ATAD1: variants seen among roughly 807,000 people sequenced by gnomAD.
ATAD1 encodes ATPase family AAA domain containing 1, also known as outer mitochondrial transmembrane helix translocase.
A neutral mutation model predicts 42.7 loss-of-function variants in ATAD1; 18 were observed. The ratio of observed to expected loss-of-function variants is 0.42; its 90% CI spans 0.29 to 0.63. ATAD1 has a LOEUF of 0.63. Among genes scored for constraint, ATAD1 ranks in the 20% least tolerant of loss-of-function variants. The probability of loss-of-function intolerance (pLI) is 0.19; values close to 1 mark genes in which losing one functional copy is unlikely to be tolerated. For missense variants in ATAD1, 294 were observed against 440.4 expected, an observed-to-expected ratio of 0.67 and a Z score of 2.98; for synonymous variants, 132 against 143.1, an observed-to-expected ratio of 0.92 and a Z score of 0.55.
rs368622309 is a variant in ATAD1, at chr10:87,790,437, A to G, written c.262-7T>C. The G allele has an allele frequency of 2.0e-4, 320 of 1,594,880 alleles. 1 individual carries two copies. The highest frequency in any genetic ancestry group is 2.6e-4 in the Non-Finnish European group (301 of 1,175,650). The stretch of plus-strand genomic sequence containing the variant: ...CTATATCACTCCAAGTAACCTGGCA[A>G]AAGTTAAGGTCAACATGAATTTTAC... On this transcript the variant is annotated splice_region_variant and splice_polypyrimidine_tract_variant and intron_variant, in intron 3 of 9. Coordinates refer to ENST00000680024, the MANE Select transcript of ATAD1 (RefSeq NM_001321967.2).
intron 8 of ATAD1, among the ~76,000 whole-genome samples, chr10:87,757,176 T>C (rs1468036435): frequency 1.3e-5 from 2 of 152,036 alleles, no homozygotes; most frequent in Non-Finnish European, 2.9e-5. Flanking sequence ...GATATTGGAC[T>C]TTCTTTGATA....
intron 1 of ATAD1, among the ~76,000 whole-genome samples, chr10:87,830,470 T>C (rs1351298398): frequency 1.3e-5 from 2 of 152,230 alleles, no homozygotes; most frequent in Non-Finnish European, 2.9e-5. Flanking sequence ...TAACAAATTC[T>C]GAAACACTCA....
At chr10:87,814,683 G>T in intron 1 of ATAD1, 71 bp from the exon 2 acceptor site, 1 of 1,185,052 alleles carries the variant, frequency 8.4e-7, no homozygotes, top group Admixed American at 3.9e-5. Flanking sequence ...TAACAAAGTA[G>T]CTTAAACTAA....
intron 9 of ATAD1, 81 bp from the exon 10 acceptor site, chr10:87,754,888 A>G (rs986122379): frequency 1.3e-6 from 2 of 1,506,168 alleles, no homozygotes; most frequent in East Asian, 2.3e-5. Flanking sequence ...GATTTAAAAG[A>G]GATGCATGTG....
At chr10:87,801,866 A>C (rs1200330858) in intron 2 of ATAD1, among the ~76,000 whole-genome samples, 1 of 152,252 alleles carries the variant, frequency 6.6e-6, no homozygotes, top group Non-Finnish European at 1.5e-5. Context: ...AACATCCATG[A>C]ATATCAAACA....
intron 1 of ATAD1, 30 bp from the exon 2 acceptor site, chr10:87,814,642 G>A: frequency 6.5e-7 from 1 of 1,529,002 alleles, no homozygotes; most frequent in Non-Finnish European, 8.8e-7. Context: ...ATGTCACTAG[G>A]TAATAACTAT....
At chr10:87,760,328 GAT>G (rs1854425646) in intron 8 of ATAD1, among the ~76,000 whole-genome samples, 1 of 152,072 alleles carries the variant, frequency 6.6e-6, no homozygotes, top group Admixed American at 6.6e-5. Flanking sequence ...GTTCTCTCAA[GAT>G]CTGATGGTTT....
At chr10:87,812,094 T>C (rs1035996708) in intron 2 of ATAD1, among the ~76,000 whole-genome samples, 2 of 152,192 alleles carry the variant, frequency 1.3e-5, no homozygotes, top group South Asian at 4.1e-4. Context: ...TTATTCTAAG[T>C]CTTTGCCAGG....
At chr10:87,792,098 T>C (rs894021233) in intron 3 of ATAD1, among the ~76,000 whole-genome samples, 4 of 152,218 alleles carry the variant, frequency 2.6e-5, no homozygotes, top group African/African-American at 9.6e-5. Flanking sequence ...CCTGAGACTG[T>C]TGTCCTTAGA....
At chr10:87,812,595 T>C (rs1334579081) in intron 2 of ATAD1, among the ~76,000 whole-genome samples, 1 of 152,048 alleles carries the variant, frequency 6.6e-6, no homozygotes, top group East Asian at 1.9e-4. Flanking sequence ...GTCAGAGATG[T>C]AGGGAAGAGA....
intron 6 of ATAD1, among the ~76,000 whole-genome samples, chr10:87,774,153 G>A (rs1034434262): frequency 5.3e-5 from 8 of 152,006 alleles, no homozygotes; most frequent in African/African-American, 1.4e-4. Context: ...ATGCTAATGC[G>A]GTGGGCTTAA....
At chr10:87,826,544 T>C (rs1405074281) in intron 1 of ATAD1, among the ~76,000 whole-genome samples, 1 of 152,258 alleles carries the variant, frequency 6.6e-6, no homozygotes, top group Non-Finnish European at 1.5e-5. Context: ...GAAATGCTAA[T>C]AATTCTTGGC....
intron 2 of ATAD1, among the ~76,000 whole-genome samples, chr10:87,806,879 C>T (rs1391517560): frequency 6.6e-6 from 1 of 152,168 alleles, no homozygotes; most frequent in African/African-American, 2.4e-5. Flanking sequence ...ACTTTAGACA[C>T]TTAGCCAGAG....
At chr10:87,822,524 C>A (rs752243568), upstream of ATAD1, among the ~76,000 whole-genome samples, 2 of 152,044 alleles carry the variant, frequency 1.3e-5, no homozygotes, top group Non-Finnish European at 2.9e-5. Flanking sequence ...TGAAATAAGC[C>A]AGGCACAGAA....
chr10:87,817,507 T>A (rs1400693485), intron 1 of ATAD1, among the ~76,000 whole-genome samples: 1 of 152,226 alleles, frequency 6.6e-6, no homozygotes, highest in Non-Finnish European at 1.5e-5. Context: ...CTACCTCATC[T>A]ATGAGCAATT....
intron 4 of ATAD1, among the ~76,000 whole-genome samples, chr10:87,789,826 G>A (rs1856010711): frequency 6.6e-6 from 1 of 152,128 alleles, no homozygotes; most frequent in Admixed American, 6.5e-5. Context: ...TGAGTTCCAA[G>A]ACTTTCAAAG....
intron 2 of ATAD1, 103 bp downstream of exon 2, chr10:87,814,335 T>C: frequency 9.3e-7 from 1 of 1,076,718 alleles, no homozygotes; most frequent in Non-Finnish European, 1.3e-6. Context: ...ATGTGGGTCT[T>C]ATAGAATTTC....
chr10:87,802,612 CAGCCTGGGTGACAG>C (rs1856753118), intron 2 of ATAD1, among the ~76,000 whole-genome samples: 1 of 150,222 alleles, frequency 6.7e-6, no homozygotes, highest in Middle Eastern at 3.4e-3. Context: ...CACCGCACTC[CAGCCTGGGTGACAG>C]AGCAAGACTA....
chr10:87,822,118 A>G (rs1029437007), upstream of ATAD1, among the ~76,000 whole-genome samples: 1 of 152,274 alleles, frequency 6.6e-6, no homozygotes, highest in Non-Finnish European at 1.5e-5. Flanking sequence ...GACTCTATTC[A>G]TTGCTCATTA....
Sources: gnomAD v4.1 joint callset for allele counts (sites outside exome capture counted in the v4.1 genomes callset) on GRCh38, gnomAD v4.1.1 for gene constraint, MANE v1.5 for transcripts, NCBI Gene and HGNC (gene_info 2026-07-23, HGNC 2026-07-21) for gene names.